Variants in SNAP47 observed in about 807,000 individuals in gnomAD.
The protein encoded by SNAP47 is synaptosomal-associated protein 47.
In SNAP47, 20 loss-of-function variants were observed where a neutral mutation model predicts 31.4. The observed-to-expected ratio is 0.64, with a 90% CI of 0.45 to 0.93. SNAP47 has a LOEUF of 0.93. Ranked by LOEUF, SNAP47 falls within the 40% of genes least tolerant of loss-of-function variation. SNAP47 has a pLI of 0.00. For synonymous variants in SNAP47, 194 were observed against 213.4 expected (o/e 0.91, Z 0.79); for missense variants, 492 against 528.5 (o/e 0.93, Z 0.68).
upstream of SNAP47, chr1:227,733,606 G>A (rs140017878): frequency 2.5e-6 from 4 of 1,606,166 alleles, no homozygotes; most frequent in Non-Finnish European, 3.4e-6. Context: ...CTGGGGGGAA[G>A]AGGAGCCACT....
chr1:227,767,404 C>T (rs1376565720), intron 4 of SNAP47, among the ~76,000 whole-genome samples: 1 of 152,152 alleles, frequency 6.6e-6, no homozygotes, highest in Non-Finnish European at 1.5e-5. Context: ...GTTTACCGTG[C>T]ATGTACATGT....
chr1:227,743,213 C>T (rs1315326672), intron 1 of SNAP47, among the ~76,000 whole-genome samples: 1 of 152,130 alleles, frequency 6.6e-6, no homozygotes, highest in Non-Finnish European at 1.5e-5. Flanking sequence ...GAGATGGTGT[C>T]GCCTAGGAAG....
intron 3 of SNAP47, 31 bp downstream of exon 3, chr1:227,759,516 C>T (rs764774793): frequency 2.2e-5 from 35 of 1,598,586 alleles, no homozygotes; most frequent in Non-Finnish European, 2.9e-5. Context: ...TGAGCGCGTG[C>T]ACAGACTTCT....
intron 4 of SNAP47, among the ~76,000 whole-genome samples, chr1:227,778,194 T>C (rs1664269137): frequency 6.6e-6 from 1 of 152,218 alleles, no homozygotes; most frequent in African/African-American, 2.4e-5. Context: ...GCAGATTTTG[T>C]TTTATTCCTT....
rs760456187 is a variant in SNAP47, at chr1:227,747,853, C to T, written c.117C>T (p.Asp39=). 5.6e-6 allele frequency: 9 copies of T among 1,614,174 alleles called. No homozygotes were observed. Among genetic ancestry groups the T allele is most frequent in the Non-Finnish European group, 7.6e-6 (9 of 1,180,026 alleles). The change falls in exon 2 of 5, where the codon GAC becomes GAT. Residue 39 remains aspartate (D), a synonymous_variant. Transcript: ENST00000617596. The part of the protein sequence containing the change: ...LTSLSLRFMT[D]STGEILVSFP... ...CGCTGTCGCTCAGGTTCATGACTGA[C>T]AGCACTGGAGAGATTCTGGTCAGCT...
intron 1 of SNAP47, among the ~76,000 whole-genome samples, chr1:227,738,473 T>C (rs1413193383): frequency 6.6e-6 from 1 of 152,194 alleles, no homozygotes; most frequent in Non-Finnish European, 1.5e-5. Context: ...TTCACGCACA[T>C]GTATGCACAC....
At position 227,763,510 on chromosome 1, in the gene SNAP47, G is replaced by T. The variant is rs1284776429; in HGVS notation, c.989-3449G>T. ...GAGGTTGTCTCTGCAGTTCGTTAGTGCCAGGCGTCTTTTGAGGCAGGGAAG... is the reference window on the plus strand; with the variant it reads ...GAGGTTGTCTCTGCAGTTCGTTAGTTCCAGGCGTCTTTTGAGGCAGGGAAG... On this transcript the variant is annotated intron_variant, in intron 3 of 4. Coordinates refer to ENST00000617596, the MANE Select transcript of SNAP47 (RefSeq NM_053052.4). This position sits in a 1 kb window ranked among gnomAD's most constrained non-coding sequence, Gnocchi z 4.2. Among the ~76,000 whole-genome samples, 1 of 152,212 alleles carries T rather than the reference G, an allele frequency of 6.6e-6. No individual in the cohort carries two copies. The highest frequency in any genetic ancestry group is 2.4e-5 in the African/African-American group (1 of 41,456).
chr1:227,780,842 A>C lies in SNAP47; in HGVS notation c.*169A>C, dbSNP rs951467483. 33 of 885,884 alleles carry C rather than the reference A, an allele frequency of 3.7e-5. No homozygotes were observed. Among genetic ancestry groups the C allele is most frequent in the Non-Finnish European group, 5.2e-5 (31 of 598,276 alleles). The allele number at this position is 885,884 out of a possible 1,614,324, so 54.9% of individuals were successfully genotyped here. A position where few individuals can be genotyped will look rare whatever the true frequency, so the allele number is the denominator to read the frequency against. ...GCACCAGGGGCCTCCCCAGGTGTGC[A>C]CCATGCCTGCCTCCCACTTGGCTGT... On this transcript the variant is annotated 3_prime_UTR_variant, in exon 5 of 5. Coordinates refer to ENST00000617596, the MANE Select transcript of SNAP47 (RefSeq NM_053052.4).
intron 1 of SNAP47, among the ~76,000 whole-genome samples, chr1:227,742,904 G>T (rs1661706659): frequency 6.6e-6 from 1 of 152,210 alleles, no homozygotes; most frequent in Non-Finnish European, 1.5e-5. Flanking sequence ...GGGTGGCCTT[G>T]CAGCTGCTGT....
chr1:227,737,278 G>A (rs1168782538), intron 1 of SNAP47, among the ~76,000 whole-genome samples: 2 of 152,256 alleles, frequency 1.3e-5, no homozygotes, highest in African/African-American at 4.8e-5. Context: ...GGTGCTCTGC[G>A]AGAGAGTGCA....
chr1:227,734,166 A>C (rs1571966471), upstream of SNAP47: 4 of 1,019,646 alleles, frequency 3.9e-6, no homozygotes, highest in Non-Finnish European at 2.8e-6. Context: ...AGAGCCCCAG[A>C]CCCTCCTCTG....
At chr1:227,733,879 G>A (rs748407643), upstream of SNAP47, 6 of 1,611,926 alleles carry the variant, frequency 3.7e-6, no homozygotes, top group East Asian at 4.5e-5. Context: ...GGCCCCTTCG[G>A]GTTCCACTCC....
chr1:227,746,027 GT>G (rs1485584826), intron 1 of SNAP47: 3 of 152,280 alleles, frequency 2.0e-5, no homozygotes, highest in African/African-American at 7.2e-5. Context: ...AATCTGTCCA[GT>G]CACAGGGCAT....
In SNAP47 at chr1:227,769,193, C is replaced by T. The variant is rs142678089; in HGVS notation, c.1113+2110C>T. 1.1e-3 allele frequency among the ~76,000 whole-genome samples: 175 copies of T among 152,296 alleles called. No individual in the cohort carries two copies. In the Middle Eastern group the frequency reaches 0.031, roughly 27 times the overall value. On this transcript the variant is annotated intron_variant, in intron 4 of 4. Coordinates refer to ENST00000617596, the MANE Select transcript of SNAP47 (RefSeq NM_053052.4). Reference sequence around the variant, plus strand: ...ATGGGCACTGCCATCATTAAAGATCCAGCAAGCCCAGTGGCTCAACACCGG... The same window carrying T: ...ATGGGCACTGCCATCATTAAAGATCTAGCAAGCCCAGTGGCTCAACACCGG...
chr1:227,740,995 A>G (rs1303554561), intron 1 of SNAP47, among the ~76,000 whole-genome samples: 15 of 141,818 alleles, frequency 1.1e-4, no homozygotes, highest in African/African-American at 4.0e-4. Context: ...TGTTAGGGTC[A>G]GGGACAGATG....
chr1:227,735,141 CAA>C (rs1306335237), upstream of SNAP47: 1 of 1,581,732 alleles, frequency 6.3e-7, no homozygotes, highest in Non-Finnish European at 8.6e-7. Context: ...AAGCCCCGCA[CAA>C]AGTCGGCGTA....
intron 1 of SNAP47, among the ~76,000 whole-genome samples, chr1:227,738,094 T>C (rs578076271): frequency 2.6e-5 from 4 of 152,214 alleles, no homozygotes; most frequent in African/African-American, 9.6e-5. Context: ...CAGGCTGGAG[T>C]GCAATGGCAT....
chr1:227,735,467 G>A lies in SNAP47; in HGVS notation c.-78G>A. 2 of 1,436,196 alleles carry A rather than the reference G, an allele frequency of 1.4e-6. No homozygotes were observed. The highest frequency in any genetic ancestry group is 1.8e-6 in the Non-Finnish European group (2 of 1,105,922). 89.0% of individuals were successfully genotyped at this position (1,436,196 alleles called of 1,614,324 possible). ...AGGCGCCGAGCGGCCGAGGCGCCGC[G>A]GTCGGCTCTGGGACTCGTCTGGCGT... On this transcript the variant is annotated 5_prime_UTR_variant, in exon 1 of 5. Coordinates refer to ENST00000617596, the MANE Select transcript of SNAP47 (RefSeq NM_053052.4).
intron 2 of SNAP47, among the ~76,000 whole-genome samples, chr1:227,749,836 G>A (rs1276957604): frequency 1.4e-5 from 2 of 138,640 alleles, no homozygotes; most frequent in Admixed American, 7.2e-5. Flanking sequence ...TGTCATCTGT[G>A]TGTGTGTGTT....
Sources: gnomAD v4.1 joint callset for allele counts (sites outside exome capture counted in the v4.1 genomes callset) on GRCh38, gnomAD v4.1.1 for gene constraint, Gnocchi (gnomAD v3.1) non-coding constraint, MANE v1.5 for transcripts, NCBI Gene and HGNC (gene_info 2026-07-23, HGNC 2026-07-21) for gene names.